RCAN1: variants seen among roughly 807,000 people sequenced by gnomAD.
RCAN1 encodes calcipressin-1.
A neutral mutation model predicts 22.9 loss-of-function variants in RCAN1; 11 were observed. The ratio of observed to expected loss-of-function variants is 0.48; its 90% CI spans 0.30 to 0.79. RCAN1 has a LOEUF of 0.79. Among genes scored for constraint, RCAN1 ranks in the 30% least tolerant of loss-of-function variants. RCAN1 has a pLI of 0.06. For synonymous variants in RCAN1, 136 were observed against 142.3 expected, an observed-to-expected ratio of 0.96 and a Z score of 0.32; for missense variants, 291 against 337.8, an observed-to-expected ratio of 0.86 and a Z score of 1.09.
chr21:34,608,080 G>A (rs577835880), intron 1 of RCAN1, among the ~76,000 whole-genome samples: 1 of 152,176 alleles, frequency 6.6e-6, no homozygotes, highest in African/African-American at 2.4e-5. Context: ...TCTAATTGCA[G>A]GAAAACAAGC....
At chr21:34,591,574 G>A (rs943263519) in intron 1 of RCAN1, among the ~76,000 whole-genome samples, 5 of 152,190 alleles carry the variant, frequency 3.3e-5, no homozygotes, top group African/African-American at 7.2e-5. Flanking sequence ...TGGAGGATCA[G>A]AATAAAGTGG....
rs377561146 is a variant in RCAN1 at position 34,596,016 on chromosome 21, G to A, written c.252+18744C>T. Among the ~76,000 whole-genome samples the A allele has an allele frequency of 3.3e-5, 5 of 152,344 alleles. No individual in the cohort carries two copies. The East Asian group carries it at 5.8e-4, about 18-fold the overall frequency. On this transcript the variant is annotated intron_variant, in intron 1 of 3. Coordinates refer to ENST00000313806, the MANE Select transcript of RCAN1 (RefSeq NM_004414.7). ...CTGGAGGTCACCTGCCCTTGAAGCAGGTAGAGAAGACATCTTAGTGTGGAT... is the reference window on the plus strand; with the variant it reads ...CTGGAGGTCACCTGCCCTTGAAGCAAGTAGAGAAGACATCTTAGTGTGGAT...
intron 1 of RCAN1, among the ~76,000 whole-genome samples, chr21:34,589,809 G>A (rs541689076): frequency 3.2e-4 from 48 of 152,134 alleles, no homozygotes; most frequent in Non-Finnish European, 6.6e-4. Flanking sequence ...ACCAGCTGCC[G>A]TGGTTCTCAG....
intron 1 of RCAN1, among the ~76,000 whole-genome samples, chr21:34,588,367 C>T (rs1363926079): frequency 1.3e-5 from 2 of 152,136 alleles, no homozygotes; most frequent in African/African-American, 4.8e-5. Flanking sequence ...TGGCATTGTT[C>T]TATTTCTTGA....
chr21:34,569,788 T>C (rs1987171176), intron 1 of RCAN1, among the ~76,000 whole-genome samples: 1 of 152,258 alleles, frequency 6.6e-6, no homozygotes, highest in Admixed American at 6.5e-5. Context: ...AGGTGTTATT[T>C]ACATTTTACA....
chr21:34,522,978 T>G (rs1984700015), intron 2 of RCAN1: 2 of 152,256 alleles, frequency 1.3e-5, no homozygotes, highest in African/African-American at 4.8e-5. Context: ...GTGGGTGCCC[T>G]GGGGCTGGGA....
intron 1 of RCAN1, among the ~76,000 whole-genome samples, chr21:34,545,621 C>T (rs1252407233): frequency 6.6e-6 from 1 of 152,196 alleles, no homozygotes; most frequent in African/African-American, 2.4e-5. Flanking sequence ...TGTTTCTCAG[C>T]AGTTACACTA....
At chr21:34,523,784 C>CTTT (rs5843666) in intron 1 of RCAN1, 74 bp from the exon 2 acceptor site, 223 of 1,007,408 alleles carry the variant, frequency 2.2e-4, no homozygotes, top group East Asian at 4.5e-4. Flanking sequence ...GATGTCATTA[C>CTTT]TTTTTTTTTT....
chr21:34,614,894 C>T lies in RCAN1; in HGVS notation c.118G>A (p.Ala40Thr). Residue 40 changes from alanine (A) to threonine (T), a missense_variant, in exon 1 of 4, where the codon GCC becomes ACC. Physicochemically the swap from Ala to Thr is moderately conservative, Grantham distance 58 (BLOSUM62 0). Transcript: ENST00000313806. This position sits in a 1 kb window ranked among gnomAD's most constrained non-coding sequence, Gnocchi z 6.0. ...TCGCCGCCGCCCTCGTCCGCCTCGGCCGCCCCCGAGAGGGGCGCGAAGGGC... is the reference window on the plus strand; with the variant it reads ...TCGCCGCCGCCCTCGTCCGCCTCGGTCGCCCCCGAGAGGGGCGCGAAGGGC... The part of the protein sequence containing the change: ...LRPFAPLSGA[A>T]EADEGGGDWS... 7.0e-7 allele frequency: 1 copy of T among 1,437,904 alleles called. No individual in the cohort carries two copies. Among genetic ancestry groups the T allele is most frequent in the Non-Finnish European group, 9.2e-7 (1 of 1,089,742 alleles). The allele number at this position is 1,437,904 out of a possible 1,614,324, so 89.1% of individuals were successfully genotyped here.
chr21:34,607,391 G>C (rs938675606), intron 1 of RCAN1, among the ~76,000 whole-genome samples: 2 of 151,658 alleles, frequency 1.3e-5, no homozygotes, highest in African/African-American at 2.4e-5. Context: ...GTTTGGATTT[G>C]CTCCCTTTTT....
intron 1 of RCAN1, among the ~76,000 whole-genome samples, chr21:34,571,248 G>A (rs948113754): frequency 3.3e-5 from 5 of 152,178 alleles, no homozygotes; most frequent in South Asian, 2.1e-4. Flanking sequence ...AGCCGAGATC[G>A]TACCATTGCA....
chr21:34,574,156 G>A (rs1395973311), intron 1 of RCAN1, among the ~76,000 whole-genome samples: 2 of 152,178 alleles, frequency 1.3e-5, no homozygotes, highest in Non-Finnish European at 2.9e-5. Context: ...AGACAAAGAA[G>A]GATGTTTCAA....
chr21:34,517,865 T>C lies in RCAN1; in HGVS notation c.*219A>G, dbSNP rs1984157491. The C allele has an allele frequency of 1.7e-6, 1 of 588,370 alleles. No homozygotes were observed. The highest frequency in any genetic ancestry group is 3.0e-6 in the Non-Finnish European group (1 of 331,462). 36.4% of individuals were successfully genotyped at this position (588,370 alleles called of 1,614,324 possible). ...CCTTGTGCGATCACCACAAACTCAG[T>C]GATTGGCCCAAGTCATTCCCGGGTG... On this transcript the variant is annotated 3_prime_UTR_variant, in exon 4 of 4. Transcript: ENST00000313806.
At chr21:34,608,292 G>GC (rs1175013450) in intron 1 of RCAN1, among the ~76,000 whole-genome samples, 1 of 152,084 alleles carries the variant, frequency 6.6e-6, no homozygotes, top group African/African-American at 2.4e-5. Context: ...CTATAGGATG[G>GC]CCCCCAGGGA....
At chr21:34,599,512 C>T (rs535307491) in intron 1 of RCAN1, among the ~76,000 whole-genome samples, 39 of 152,268 alleles carry the variant, frequency 2.6e-4, no homozygotes, top group African/African-American at 9.4e-4. Flanking sequence ...AAGATATCCA[C>T]AACATGTTAA....
intron 1 of RCAN1, among the ~76,000 whole-genome samples, chr21:34,561,930 C>T (rs1020454602): frequency 6.6e-6 from 1 of 152,172 alleles, no homozygotes; most frequent in Non-Finnish European, 1.5e-5. Flanking sequence ...TTAAAAGGCT[C>T]GAGATCCTAT....
chr21:34,526,897 A>G (rs1985099841), intron 1 of RCAN1: 1 of 1,451,276 alleles, frequency 6.9e-7, no homozygotes, highest in Non-Finnish European at 9.0e-7. Context: ...AAAAAAGTGC[A>G]GCTTCCACAG....
At chr21:34,546,764 T>C (rs1471663576) in intron 1 of RCAN1, among the ~76,000 whole-genome samples, 1 of 152,196 alleles carries the variant, frequency 6.6e-6, no homozygotes, top group African/African-American at 2.4e-5. Context: ...TTCCCTGAGA[T>C]GTACATTTTA....
At chr21:34,568,579 C>A (rs375160887) in intron 1 of RCAN1, among the ~76,000 whole-genome samples, 4 of 152,316 alleles carry the variant, frequency 2.6e-5, no homozygotes, top group East Asian at 3.9e-4. Context: ...GCTCTCCTTA[C>A]ATCCACTGGA....
Sources: allele counts gnomAD v4.1 joint callset (sites outside exome capture counted in the v4.1 genomes callset), GRCh38; gene constraint gnomAD v4.1.1; non-coding constraint Gnocchi (gnomAD v3.1); transcripts MANE v1.5; gene names NCBI Gene and HGNC (gene_info 2026-07-23, HGNC 2026-07-21).